CLEC16A: variants seen among roughly 807,000 people sequenced by gnomAD.
CLEC16A encodes the protein protein CLEC16A.
CLEC16A carries 51 observed loss-of-function variants against 109.5 expected under a neutral mutation model. That is an observed-to-expected ratio of 0.47 (90% confidence interval 0.37 to 0.59). The LOEUF (loss-of-function observed/expected upper bound fraction) is 0.59. Ranked by LOEUF, CLEC16A falls within the 20% of genes least tolerant of loss-of-function variation. The probability of loss-of-function intolerance (pLI) is 0.00; values close to 1 mark genes in which losing one functional copy is unlikely to be tolerated. For synonymous variants in CLEC16A, 673 were observed against 564.2 expected (o/e 1.19, Z -2.73); for missense variants, 1,339 against 1,394.0 (o/e 0.96, Z 0.63).
chr16:11,061,038 T>C lies in CLEC16A; in HGVS notation c.2116+16T>C. 6.3e-7 allele frequency: 1 copy of C among 1,595,748 alleles called. No individual in the cohort carries two copies. Among genetic ancestry groups the C allele is most frequent in the Non-Finnish European group, 8.5e-7 (1 of 1,172,380 alleles). On this transcript the variant is annotated intron_variant, in intron 19 of 23. Transcript: ENST00000409790. ...CTGGATCTGAGTGAGTTGGCTGCTC[T>C]GAGTCACAGCAGGGGGCTGGGGGAC...
At chr16:11,087,577 G>A (rs568301020) in intron 19 of CLEC16A, among the ~76,000 whole-genome samples, 2 of 152,354 alleles carry the variant, frequency 1.3e-5, no homozygotes, top group South Asian at 2.1e-4. Context: ...TTGAGTAAAA[G>A]TAGTATTCAA....
intron 12 of CLEC16A, 160 bp from the exon 13 acceptor site, chr16:11,024,661 T>TTATACA: frequency 1.7e-6 from 1 of 573,610 alleles, no homozygotes; most frequent in Non-Finnish European, 3.2e-6. Context: ...AGCCTGTCTC[T>TTATACA]CATTTGTCTG....
intron 19 of CLEC16A, among the ~76,000 whole-genome samples, chr16:11,085,903 T>C (rs2049984801): frequency 6.6e-6 from 1 of 152,184 alleles, no homozygotes; most frequent in South Asian, 2.1e-4. Context: ...GGAATCCCAT[T>C]TCAACCTGAG....
intron 11 of CLEC16A, among the ~76,000 whole-genome samples, chr16:11,010,913 T>C (rs976338118): frequency 2.0e-5 from 3 of 152,226 alleles, no homozygotes; most frequent in Non-Finnish European, 4.4e-5. Context: ...ATTTTGTCTT[T>C]GTGTGATGTG....
chr16:11,171,056 C>T, intron 23 of CLEC16A, among the ~76,000 whole-genome samples: 1 of 152,258 alleles, frequency 6.6e-6, no homozygotes, highest in East Asian at 1.9e-4. Flanking sequence ...TTTTGCCCAT[C>T]TCCCTGGGGT....
chr16:10,982,933 T>C lies in CLEC16A; in HGVS notation c.1013T>C (p.Leu338Pro). The change falls in exon 10 of 24, where the codon CTG (leucine) becomes CCG (proline). Residue 338 changes from leucine to proline, a missense_variant. Physicochemically the swap from Leu to Pro is moderately conservative, Grantham distance 98. Coordinates refer to ENST00000409790, the MANE Select transcript of CLEC16A (RefSeq NM_015226.3). ...PLVNSLAEVI[L>P]NGDLSEMYAK... ...GTGAACTCGTTAGCTGAAGTCATTC[T>C]GAATGGTGATCTGTCTGAGATGTAC... 1.9e-6 allele frequency: 3 copies of C among 1,613,402 alleles called. No individual in the cohort carries two copies. Among genetic ancestry groups the C allele is most frequent in the South Asian group, 1.1e-5 (1 of 91,070 alleles).
intron 3 of CLEC16A, among the ~76,000 whole-genome samples, chr16:10,967,884 C>A (rs553501476): frequency 5.3e-5 from 8 of 152,330 alleles, no homozygotes; most frequent in African/African-American, 1.7e-4. Flanking sequence ...CATGGGGAGC[C>A]CTGCACACTT....
intron 10 of CLEC16A, among the ~76,000 whole-genome samples, chr16:10,996,098 T>C (rs565700825): frequency 6.6e-6 from 1 of 152,304 alleles, no homozygotes; most frequent in African/African-American, 2.4e-5. Flanking sequence ...TCCCCTTTCC[T>C]GGTCACTCGC....
At chr16:11,044,912 G>A (rs1281235303) in intron 16 of CLEC16A, among the ~76,000 whole-genome samples, 1 of 141,782 alleles carries the variant, frequency 7.1e-6, no homozygotes, top group African/African-American at 2.6e-5. Flanking sequence ...GGCAACAAGA[G>A]CGAAAACTCC....
chr16:11,030,941 A>C (rs1291433286), intron 13 of CLEC16A, among the ~76,000 whole-genome samples: 5 of 152,250 alleles, frequency 3.3e-5, no homozygotes, highest in Non-Finnish European at 7.3e-5. Context: ...GTCCTTTATC[A>C]GAGGCATTTA....
intron 18 of CLEC16A, among the ~76,000 whole-genome samples, chr16:11,053,522 C>T (rs1259716919): frequency 6.6e-6 from 1 of 152,052 alleles, no homozygotes; most frequent in African/African-American, 2.4e-5. Flanking sequence ...AGGTGTGTGC[C>T]ACCACACTCG....
chr16:11,155,153 T>C (rs1423237699), intron 22 of CLEC16A, among the ~76,000 whole-genome samples: 2 of 152,134 alleles, frequency 1.3e-5, no homozygotes, highest in African/African-American at 4.8e-5. Context: ...ATCCCAGTTA[T>C]TGCCTCATTG....
chr16:11,163,520 C>G (rs1405303652), intron 22 of CLEC16A, among the ~76,000 whole-genome samples: 1 of 152,056 alleles, frequency 6.6e-6, no homozygotes, highest in African/African-American at 2.4e-5. Flanking sequence ...TCAGTACATG[C>G]AGATTTTACT....
At chr16:11,085,952 G>T (rs539630443) in intron 19 of CLEC16A, among the ~76,000 whole-genome samples, 3 of 152,182 alleles carry the variant, frequency 2.0e-5, no homozygotes, top group Non-Finnish European at 4.4e-5. Flanking sequence ...ATCAGTACCT[G>T]TGGGAAGTGA....
intron 11 of CLEC16A, among the ~76,000 whole-genome samples, chr16:11,010,903 A>G (rs189645707): frequency 5.9e-5 from 9 of 151,868 alleles, no homozygotes; most frequent in Admixed American, 5.9e-4. Flanking sequence ...AACGTCCTTC[A>G]TTTTGTCTTT....
chr16:11,029,867 C>A (rs2046636698), intron 13 of CLEC16A, among the ~76,000 whole-genome samples: 1 of 152,174 alleles, frequency 6.6e-6, no homozygotes, highest in South Asian at 2.1e-4. Flanking sequence ...CCAAACATTT[C>A]CTCATTCCCC....
intron 16 of CLEC16A, among the ~76,000 whole-genome samples, chr16:11,044,390 A>C (rs1406362315): frequency 6.6e-6 from 1 of 152,246 alleles, no homozygotes. Flanking sequence ...ACATATAAAT[A>C]AATTATATAT....
intron 19 of CLEC16A, among the ~76,000 whole-genome samples, chr16:11,113,552 G>A (rs548402976): frequency 6.6e-6 from 1 of 152,194 alleles, no homozygotes; most frequent in South Asian, 2.1e-4. Flanking sequence ...CCAGTAACTT[G>A]GGAGCCTGAG....
intron 2 of CLEC16A, among the ~76,000 whole-genome samples, chr16:10,958,961 G>C (rs960920571): frequency 4.6e-5 from 7 of 151,414 alleles, no homozygotes; most frequent in African/African-American, 1.7e-4. Context: ...GATCTGCCTT[G>C]ATGTCTTAGT....
Sources: gnomAD v4.1 joint callset for allele counts (sites outside exome capture counted in the v4.1 genomes callset) on GRCh38, gnomAD v4.1.1 for gene constraint, MANE v1.5 for transcripts, NCBI Gene and HGNC (gene_info 2026-07-23, HGNC 2026-07-21) for gene names.